Variants in SUPT3H observed in about 807,000 individuals in gnomAD.
SUPT3H encodes the protein SPT3 homolog, SAGA and STAGA complex component.
A neutral mutation model predicts 44.3 loss-of-function variants in SUPT3H; 44 were observed. The observed-to-expected ratio is 0.99, with a 90% CI of 0.78 to 1.28. The LOEUF is 1.28. SUPT3H is among the 50% of genes most tolerant of loss of function. The probability of loss-of-function intolerance (pLI) is 0.00; values close to 1 mark genes in which losing one functional copy is unlikely to be tolerated. For synonymous variants in SUPT3H, 124 were observed against 125.6 expected (o/e 0.99, Z 0.09); for missense variants, 380 against 387.1 (o/e 0.98, Z 0.15).
At chr6:44,883,744 A>T (rs144211115) in intron 10 of SUPT3H, among the ~76,000 whole-genome samples, 2 of 152,308 alleles carry the variant, frequency 1.3e-5, no homozygotes, top group Admixed American at 1.3e-4. Flanking sequence ...GATCTTTGGC[A>T]AACCTGACAA....
chr6:45,082,368 C>G (rs894105524), intron 3 of SUPT3H, among the ~76,000 whole-genome samples: 3 of 152,100 alleles, frequency 2.0e-5, no homozygotes, highest in Non-Finnish European at 4.4e-5. Context: ...AGGCCAATAT[C>G]TCTGACAATT....
intron 4 of SUPT3H, among the ~76,000 whole-genome samples, chr6:45,018,407 G>A (rs1784623878): frequency 6.6e-6 from 1 of 150,770 alleles, no homozygotes; most frequent in Non-Finnish European, 1.5e-5. Flanking sequence ...GTGAGAGAGG[G>A]CATCCCTGTC....
At chr6:44,945,382 T>C (rs1773176257) in intron 9 of SUPT3H, among the ~76,000 whole-genome samples, 1 of 152,158 alleles carries the variant, frequency 6.6e-6, no homozygotes, top group South Asian at 2.1e-4. Context: ...TACAAATGAT[T>C]AAGCTTAGTG....
chr6:45,356,732 A>G lies in SUPT3H; in HGVS notation c.101+8469T>C, dbSNP rs1013020184. On this transcript the variant is annotated intron_variant, in intron 2 of 10. Transcript: ENST00000371459. ...ATTCTCATTTCTTTGGCTGTAATGT[A>G]AAAGTGTCCATCAGTCTCACATCTA... Among the ~76,000 whole-genome samples, 5 of 152,104 alleles carry G rather than the reference A, an allele frequency of 3.3e-5. No individual in the cohort carries two copies. In the East Asian group the frequency reaches 9.7e-4, roughly 30 times the overall value.
At chr6:44,813,603 C>T (rs1215212810) in intron 11 of SUPT3H, among the ~76,000 whole-genome samples, 2 of 140,092 alleles carry the variant, frequency 1.4e-5, no homozygotes, top group African/African-American at 5.3e-5. Flanking sequence ...ACAACAGAAA[C>T]ATTCCCAAGC....
intron 2 of SUPT3H, among the ~76,000 whole-genome samples, chr6:45,352,921 A>T (rs1792364305): frequency 6.6e-6 from 1 of 152,098 alleles, no homozygotes; most frequent in Non-Finnish European, 1.5e-5. Flanking sequence ...CAAAATTAAG[A>T]CAATAACTGC....
At chr6:45,175,972 A>G (rs1052293688) in intron 2 of SUPT3H, among the ~76,000 whole-genome samples, 2 of 152,136 alleles carry the variant, frequency 1.3e-5, no homozygotes, top group African/African-American at 4.8e-5. Context: ...GATATCTCCA[A>G]TATAACTGAA....
At chr6:45,056,566 T>C (rs1255864480) in intron 3 of SUPT3H, among the ~76,000 whole-genome samples, 1 of 152,200 alleles carries the variant, frequency 6.6e-6, no homozygotes, top group Non-Finnish European at 1.5e-5. Flanking sequence ...TGGGTGGAAC[T>C]GGAGACCATT....
intron 3 of SUPT3H, among the ~76,000 whole-genome samples, chr6:45,047,071 T>A (rs1176883495): frequency 1.3e-5 from 2 of 152,224 alleles, no homozygotes; most frequent in African/African-American, 4.8e-5. Context: ...CCTTGCTAAA[T>A]TCATTTATTA....
At chr6:45,109,588 GAGTAT>G (rs1744786365) in intron 2 of SUPT3H, among the ~76,000 whole-genome samples, 1 of 152,152 alleles carries the variant, frequency 6.6e-6, no homozygotes, top group Admixed American at 6.5e-5. Flanking sequence ...ATCATTTGAT[GAGTAT>G]ATTATTTTAA....
intron 7 of SUPT3H, among the ~76,000 whole-genome samples, chr6:44,956,375 T>G (rs1775171595): frequency 6.7e-6 from 1 of 149,786 alleles, no homozygotes; most frequent in Non-Finnish European, 1.5e-5. Flanking sequence ...TCCCAGCTAC[T>G]CGTGAGGCTG....
At chr6:45,258,301 A>G (rs184275332) in intron 2 of SUPT3H, among the ~76,000 whole-genome samples, 8 of 152,340 alleles carry the variant, frequency 5.3e-5, no homozygotes, top group Admixed American at 4.6e-4. Context: ...AAAAGGGTTA[A>G]AAGTCCATTT....
intron 2 of SUPT3H, among the ~76,000 whole-genome samples, chr6:45,293,622 G>A (rs74922388): frequency 0.019 from 2,814 of 152,020 alleles, 88 homozygotes; most frequent in African/African-American, 0.064. Context: ...AGAGAAAATC[G>A]ATATAAGCTC....
intron 2 of SUPT3H, among the ~76,000 whole-genome samples, chr6:45,288,926 G>A (rs900544881): frequency 6.6e-6 from 1 of 151,872 alleles, no homozygotes; most frequent in South Asian, 2.1e-4. Context: ...TACATGAGAC[G>A]AGGTCCTATA....
chr6:45,197,951 G>A (rs995256970), intron 2 of SUPT3H, among the ~76,000 whole-genome samples: 1 of 150,974 alleles, frequency 6.6e-6, no homozygotes, highest in African/African-American at 2.4e-5. Flanking sequence ...ACTTACAAAA[G>A]CATTCAGATT....
At chr6:44,932,350 T>C (rs1770715039) in intron 10 of SUPT3H, among the ~76,000 whole-genome samples, 1 of 152,196 alleles carries the variant, frequency 6.6e-6, no homozygotes, top group Non-Finnish European at 1.5e-5. Flanking sequence ...AATATTTAGA[T>C]ACATATAATT....
At chr6:45,270,323 T>C (rs891378517) in intron 2 of SUPT3H, among the ~76,000 whole-genome samples, 5 of 152,050 alleles carry the variant, frequency 3.3e-5, no homozygotes, top group African/African-American at 9.7e-5. Flanking sequence ...TTGACAGATA[T>C]GGTTTGGCTG....
intron 9 of SUPT3H, among the ~76,000 whole-genome samples, chr6:44,945,664 G>C (rs1335447313): frequency 6.6e-6 from 1 of 152,130 alleles, no homozygotes; most frequent in Non-Finnish European, 1.5e-5. Context: ...TGAAGGCCAA[G>C]AGAGATGAGA....
chr6:44,867,409 T>A (rs1035914939), intron 10 of SUPT3H, among the ~76,000 whole-genome samples: 11 of 152,268 alleles, frequency 7.2e-5, no homozygotes, highest in South Asian at 4.2e-4. Context: ...CCACCTTTTT[T>A]AATAAAATTC....
Sources: gnomAD v4.1 joint callset for allele counts (sites outside exome capture counted in the v4.1 genomes callset) on GRCh38, gnomAD v4.1.1 for gene constraint, MANE v1.5 for transcripts, NCBI Gene and HGNC (gene_info 2026-07-23, HGNC 2026-07-21) for gene names.